RFX3: variants seen among roughly 807,000 people sequenced by gnomAD.
RFX3 encodes transcription factor RFX3.
A neutral mutation model predicts 98.6 loss-of-function variants in RFX3; 14 were observed. That is an observed-to-expected ratio of 0.14 (90% CI 0.09 to 0.22). The LOEUF is 0.22. RFX3 is among the 10% of genes least tolerant of loss of function. The pLI is 1.00. For synonymous variants in RFX3, 383 were observed against 328.4 expected, an observed-to-expected ratio of 1.17 and a Z score of -1.80; for missense variants, 639 against 926.9, an observed-to-expected ratio of 0.69 and a Z score of 4.03.
chr9:3,231,652 C>A (rs1461518338), intron 15 of RFX3, among the ~76,000 whole-genome samples: 1 of 151,848 alleles, frequency 6.6e-6, no homozygotes, highest in Non-Finnish European at 1.5e-5. Flanking sequence ...TGGCATGCAA[C>A]AAGTCAAGCA....
intron 7 of RFX3, among the ~76,000 whole-genome samples, chr9:3,282,346 C>A (rs900099069): frequency 6.6e-6 from 1 of 151,708 alleles, no homozygotes; most frequent in Non-Finnish European, 1.5e-5. Context: ...ATAGGTATTC[C>A]ATCTCTTCCA....
chr9:3,256,251 T>G (rs1267400987), intron 14 of RFX3, among the ~76,000 whole-genome samples: 1 of 151,950 alleles, frequency 6.6e-6, no homozygotes, highest in Non-Finnish European at 1.5e-5. Flanking sequence ...ATTACAGGCG[T>G]AAGCCACCGT....
intron 4 of RFX3, among the ~76,000 whole-genome samples, chr9:3,317,151 G>A (rs1830712129): frequency 6.6e-6 from 1 of 152,194 alleles, no homozygotes; most frequent in Non-Finnish European, 1.5e-5. Context: ...AAACAGCATG[G>A]TACTGGAACC....
chr9:3,286,993 G>T (rs557791335), intron 7 of RFX3, among the ~76,000 whole-genome samples: 1 of 151,922 alleles, frequency 6.6e-6, no homozygotes, highest in Admixed American at 6.6e-5. Context: ...TATTGTGATA[G>T]TTCCTTGATC....
intron 2 of RFX3, among the ~76,000 whole-genome samples, chr9:3,350,301 C>T (rs1008626514): frequency 1.3e-5 from 2 of 152,034 alleles, no homozygotes; most frequent in East Asian, 3.9e-4. Context: ...TTTAAAAGGG[C>T]CAAAGACCTT....
intron 1 of RFX3, among the ~76,000 whole-genome samples, chr9:3,518,953 C>A (rs1587922367): frequency 1.3e-5 from 2 of 152,132 alleles, no homozygotes; most frequent in East Asian, 3.8e-4. Context: ...TAGAATAATT[C>A]TTTGATAAAC....
At chr9:3,307,579 G>T (rs914793840) in intron 4 of RFX3, among the ~76,000 whole-genome samples, 21 of 152,214 alleles carry the variant, frequency 1.4e-4, no homozygotes, top group African/African-American at 5.1e-4. Flanking sequence ...AAGGGAGAAG[G>T]CTTGGTAGTG....
chr9:3,479,899 T>C (rs550367064), intron 1 of RFX3, among the ~76,000 whole-genome samples: 4 of 152,312 alleles, frequency 2.6e-5, no homozygotes, highest in African/African-American at 9.6e-5. Context: ...CACCCAAGTA[T>C]AGGCCAAAAT....
chr9:3,237,955 A>G (rs1219397026), intron 15 of RFX3, among the ~76,000 whole-genome samples: 1 of 150,600 alleles, frequency 6.6e-6, no homozygotes, highest in East Asian at 1.9e-4. Flanking sequence ...CTTGGGTGAC[A>G]GAGCAAGACC....
chr9:3,298,590 A>G (rs940244235), intron 5 of RFX3, among the ~76,000 whole-genome samples: 1 of 151,822 alleles, frequency 6.6e-6, no homozygotes, highest in Non-Finnish European at 1.5e-5. Context: ...TGGAACTACC[A>G]CTTGCAATAA....
intron 7 of RFX3, among the ~76,000 whole-genome samples, chr9:3,281,816 T>C (rs1825948143): frequency 6.6e-6 from 1 of 151,826 alleles, no homozygotes; most frequent in South Asian, 2.1e-4. Flanking sequence ...AAAGTAATAT[T>C]CTGTCAATCC....
intron 2 of RFX3, among the ~76,000 whole-genome samples, chr9:3,366,732 T>TTCTTTCTTTCTTTC (rs1563994522): frequency 2.0e-5 from 3 of 149,264 alleles, no homozygotes; most frequent in African/African-American, 7.5e-5. Flanking sequence ...CTTTCTTTCT[T>TTCTTTCTTTCTTTC]TCTTTCTTTC....
chr9:3,280,182 C>G (rs1825753149), intron 7 of RFX3, among the ~76,000 whole-genome samples: 1 of 151,740 alleles, frequency 6.6e-6, no homozygotes, highest in South Asian at 2.1e-4. Context: ...AGGACCTCTG[C>G]AAGCCAGAAG....
At chr9:3,361,155 GTGAC>G (rs779176306) in intron 2 of RFX3, among the ~76,000 whole-genome samples, 7 of 152,294 alleles carry the variant, frequency 4.6e-5, no homozygotes, top group South Asian at 2.1e-4. Flanking sequence ...AGGCTGCTAT[GTGAC>G]TGACTAAATG....
intron 1 of RFX3, among the ~76,000 whole-genome samples, chr9:3,453,864 A>T (rs980982531): frequency 2.0e-5 from 3 of 152,102 alleles, no homozygotes; most frequent in African/African-American, 7.2e-5. Context: ...TAGATTTTTT[A>T]AATATTTTAA....
At chr9:3,386,538 GC>G (rs1323802450) in intron 2 of RFX3, among the ~76,000 whole-genome samples, 1 of 152,072 alleles carries the variant, frequency 6.6e-6, no homozygotes, top group African/African-American at 2.4e-5. Flanking sequence ...TTGAATTTAT[GC>G]CTTCCAACAA....
At chr9:3,370,566 T>C (rs1159035330) in intron 2 of RFX3, among the ~76,000 whole-genome samples, 5 of 152,078 alleles carry the variant, frequency 3.3e-5, no homozygotes, top group Admixed American at 2.6e-4. Context: ...AGGGTAGAGA[T>C]TGGGACGAGC....
intron 1 of RFX3, among the ~76,000 whole-genome samples, chr9:3,490,979 T>C (rs909861551): frequency 3.9e-5 from 6 of 152,134 alleles, no homozygotes; most frequent in African/African-American, 1.4e-4. Context: ...TGGCCCATGA[T>C]ATCAGAGATC....
chr9:3,384,202 C>A (rs1839476352), intron 2 of RFX3, among the ~76,000 whole-genome samples: 1 of 26,054 alleles, frequency 3.8e-5, no homozygotes, highest in Non-Finnish European at 6.0e-5. Flanking sequence ...AATGACACTA[C>A]AGAATACCTC....
Sources: gnomAD v4.1 joint callset for allele counts (sites outside exome capture counted in the v4.1 genomes callset) on GRCh38, gnomAD v4.1.1 for gene constraint, MANE v1.5 for transcripts, NCBI Gene and HGNC (gene_info 2026-07-23, HGNC 2026-07-21) for gene names.